Variants in ATP8A2 observed in about 807,000 individuals in gnomAD.
ATP8A2 encodes ATPase phospholipid transporting 8A2, also known as phospholipid-transporting ATPase IB.
A neutral mutation model predicts 165.6 loss-of-function variants in ATP8A2; 100 were observed. The ratio of observed to expected loss-of-function variants is 0.60; its 90% CI spans 0.51 to 0.71. The LOEUF (loss-of-function observed/expected upper bound fraction) is 0.71. ATP8A2 is among the 30% of genes least tolerant of loss of function. ATP8A2 has a pLI of 0.00. For synonymous variants in ATP8A2, 543 were observed against 548.8 expected (o/e 0.99, Z 0.15); for missense variants, 1,227 against 1,479.5 (o/e 0.83, Z 2.80).
At chr13:25,565,608 T>C (rs9581394) in intron 16 of ATP8A2, among the ~76,000 whole-genome samples, 103,663 of 152,056 alleles carry the variant, frequency 0.68, 36,435 homozygotes, top group Middle Eastern at 0.73. Flanking sequence ...TGTTTGAGTT[T>C]GTTGTAGTTT....
intron 24 of ATP8A2, among the ~76,000 whole-genome samples, chr13:25,679,046 G>T (rs776990611): frequency 1.3e-5 from 2 of 152,128 alleles, no homozygotes; most frequent in Non-Finnish European, 2.9e-5. Context: ...CAGAAATAAA[G>T]GCTTCTAGTA....
At chr13:25,971,706 CAGAG>C (rs577961221) in intron 35 of ATP8A2, among the ~76,000 whole-genome samples, 92 of 152,220 alleles carry the variant, frequency 6.0e-4, no homozygotes, top group African/African-American at 2.1e-3. Flanking sequence ...AAAGTGGCCA[CAGAG>C]AGATGCTGAC....
chr13:25,441,849 C>T (rs2034939731), intron 1 of ATP8A2, among the ~76,000 whole-genome samples: 1 of 152,142 alleles, frequency 6.6e-6, no homozygotes, highest in South Asian at 2.1e-4. Flanking sequence ...CACCATCCAC[C>T]TCCAGGACTT....
At chr13:25,544,087 C>T (rs772276294) in intron 10 of ATP8A2, among the ~76,000 whole-genome samples, 38 of 152,354 alleles carry the variant, frequency 2.5e-4, no homozygotes, top group Middle Eastern at 3.4e-3. Flanking sequence ...CTAAAATGCA[C>T]ATTTGGCTGT....
At chr13:25,410,755 C>T (rs189443889) in intron 1 of ATP8A2, among the ~76,000 whole-genome samples, 1 of 152,312 alleles carries the variant, frequency 6.6e-6, no homozygotes, top group African/African-American at 2.4e-5. Context: ...GCTCAGTCTA[C>T]AGTAACCATA....
Position 25,706,104 on chromosome 13 carries a change from A to G in ATP8A2, c.2384+6759A>G, listed in dbSNP as rs544221634. Among the ~76,000 whole-genome samples the G allele has an allele frequency of 7.9e-5, 12 of 152,330 alleles. 1 individual carries two copies. The South Asian group carries it at 2.3e-3, about 29-fold the overall frequency. Reference sequence around the variant, plus strand: ...GTAAGATGAATTGGCTTAGAGTCAGAGAGAGATGACTAGTAGCTTAGTCCC... The same window carrying G: ...GTAAGATGAATTGGCTTAGAGTCAGGGAGAGATGACTAGTAGCTTAGTCCC... On this transcript the variant is annotated intron_variant, in intron 25 of 36. Coordinates refer to ENST00000381655, the MANE Select transcript of ATP8A2 (RefSeq NM_016529.6).
chr13:25,778,319 T>C (rs751920512), intron 27 of ATP8A2, among the ~76,000 whole-genome samples: 9 of 152,232 alleles, frequency 5.9e-5, no homozygotes, highest in Non-Finnish European at 1.3e-4. Context: ...AAGTTATTTG[T>C]TGCTGACAAA....
chr13:25,721,322 A>G (rs527493633), intron 25 of ATP8A2, among the ~76,000 whole-genome samples: 14 of 152,046 alleles, frequency 9.2e-5, no homozygotes, highest in African/African-American at 2.2e-4. Flanking sequence ...AACAGCCATC[A>G]TCACACTAAA....
intron 27 of ATP8A2, among the ~76,000 whole-genome samples, chr13:25,810,976 C>T (rs898460418): frequency 1.3e-5 from 2 of 151,798 alleles, no homozygotes; most frequent in Non-Finnish European, 2.9e-5. Context: ...TTCAACTTAC[C>T]CTGTGAATTT....
At chr13:25,555,747 G>A (rs977809004) in intron 13 of ATP8A2, among the ~76,000 whole-genome samples, 5 of 151,918 alleles carry the variant, frequency 3.3e-5, no homozygotes, top group African/African-American at 1.2e-4. Flanking sequence ...CCTGAGCATA[G>A]TACCCAACAG....
intron 29 of ATP8A2, among the ~76,000 whole-genome samples, chr13:25,838,862 T>TATTAGATTAA (rs1951689709): frequency 6.6e-6 from 1 of 152,178 alleles, no homozygotes; most frequent in Non-Finnish European, 1.5e-5. Flanking sequence ...AGTTAATAAC[T>TATTAGATTAA]CTGTCATCAC....
intron 25 of ATP8A2, among the ~76,000 whole-genome samples, chr13:25,714,482 C>T (rs771784852): frequency 7.2e-5 from 11 of 152,298 alleles, no homozygotes; most frequent in South Asian, 2.1e-4. Context: ...TACTATTATA[C>T]TTTTGCCTAA....
intron 27 of ATP8A2, among the ~76,000 whole-genome samples, chr13:25,807,071 C>T (rs1950756742): frequency 6.7e-6 from 1 of 150,134 alleles, no homozygotes; most frequent in Non-Finnish European, 1.5e-5. Flanking sequence ...AATCTATATA[C>T]AAATGCCAAA....
chr13:25,468,060 CTTGGAG>C, intron 1 of ATP8A2, among the ~76,000 whole-genome samples: 1 of 152,192 alleles, frequency 6.6e-6, no homozygotes. Flanking sequence ...GGGATGCTGC[CTTGGAG>C]TTGGAGATGA....
At chr13:25,972,654 T>G (rs1955942326) in intron 35 of ATP8A2, among the ~76,000 whole-genome samples, 1 of 152,166 alleles carries the variant, frequency 6.6e-6, no homozygotes, top group African/African-American at 2.4e-5. Flanking sequence ...CTACCCTGCA[T>G]GTCGTTATTT....
intron 24 of ATP8A2, among the ~76,000 whole-genome samples, chr13:25,664,987 G>C (rs138292151): frequency 1.3e-3 from 202 of 149,938 alleles, no homozygotes; most frequent in Middle Eastern, 0.01. Flanking sequence ...ACTTTCTGTG[G>C]CATCAGAGAT....
chr13:25,424,933 G>A (rs73168588), intron 1 of ATP8A2, among the ~76,000 whole-genome samples: 26,439 of 152,128 alleles, frequency 0.17, 2,897 homozygotes, highest in East Asian at 0.4. Flanking sequence ...ACTCCAGCCC[G>A]GGCGACAAGA....
At chr13:25,563,550 G>A (rs1305525719) in intron 15 of ATP8A2, among the ~76,000 whole-genome samples, 1 of 151,958 alleles carries the variant, frequency 6.6e-6, no homozygotes, top group Non-Finnish European at 1.5e-5. Flanking sequence ...CTACATATGC[G>A]CTCTGGCCAC....
intron 2 of ATP8A2, among the ~76,000 whole-genome samples, chr13:25,500,666 A>T (rs1340179053): frequency 6.6e-6 from 1 of 152,006 alleles, no homozygotes; most frequent in Admixed American, 6.6e-5. Context: ...GCTTACCCCA[A>T]CCTCCACGGC....
Sources: gnomAD v4.1 joint callset for allele counts (sites outside exome capture counted in the v4.1 genomes callset) on GRCh38, gnomAD v4.1.1 for gene constraint, MANE v1.5 for transcripts, NCBI Gene and HGNC (gene_info 2026-07-23, HGNC 2026-07-21) for gene names.